The following RBMS3 variants were observed in gnomAD, a reference collection of about 807,000 sequenced individuals.
The protein encoded by RBMS3 is RNA-binding motif, single-stranded-interacting protein 3.
Under a neutral mutation model 66.8 loss-of-function variants are expected in RBMS3, and 27 were observed. The observed-to-expected ratio is 0.40, with a 90% CI of 0.30 to 0.56. The LOEUF (loss-of-function observed/expected upper bound fraction) is 0.56, where lower values mean the gene tolerates loss of function less well. RBMS3 is among the 20% of genes least tolerant of loss of function. The pLI is 0.40. For synonymous variants in RBMS3, 188 were observed against 183.0 expected (o/e 1.03, Z -0.22); for missense variants, 513 against 549.5 (o/e 0.93, Z 0.66).
At chr3:29,874,359 C>T (rs747999876) in intron 7 of RBMS3, among the ~76,000 whole-genome samples, 8 of 151,952 alleles carry the variant, frequency 5.3e-5, no homozygotes, top group Admixed American at 1.3e-4. Flanking sequence ...CTGGTAATAC[C>T]GTCTAGGCTT....
intron 6 of RBMS3, among the ~76,000 whole-genome samples, chr3:29,839,066 T>C (rs1051519864): frequency 7.9e-5 from 12 of 152,174 alleles, no homozygotes; most frequent in African/African-American, 2.9e-4. Context: ...ATTCCAGAAC[T>C]ACAGTGTCAG....
At position 29,971,140 on chromosome 3, in the gene RBMS3, G is replaced by A. The variant is rs938166711; in HGVS notation, c.1099-17003G>A. On this transcript the variant is annotated intron_variant, in intron 12 of 14. Transcript: ENST00000383767. Reference sequence around the variant, plus strand: ...GAAAGACAAGATTATCCCATTCCCCGCTTTATAACTGCCTCCTCTCTTGGA... The same window carrying A: ...GAAAGACAAGATTATCCCATTCCCCACTTTATAACTGCCTCCTCTCTTGGA... 9.2e-5 allele frequency among the ~76,000 whole-genome samples: 14 copies of A among 151,600 alleles called. 1 individual carries two copies. Among genetic ancestry groups the A allele is most frequent in the Admixed American group, 5.3e-4 (8 of 15,202 alleles).
rs2061260597 is a variant in RBMS3, at chr3:29,936,170, C to T, written c.1024C>T (p.His342Tyr). ...GGGCCCACTGACACAGCAGATGAATCACCTTTCGTTGGGCACAACAGGAAC... is the reference window on the plus strand; with the variant it reads ...GGGCCCACTGACACAGCAGATGAATTACCTTTCGTTGGGCACAACAGGAAC... Reference protein sequence around the residue: ...MMGPLTQQMNHLSLGTTGTIQ... With the variant: ...MMGPLTQQMNYLSLGTTGTIQ... Residue 342 changes from histidine (H) to tyrosine (Y), a missense_variant, in exon 11 of 15, where the codon CAC becomes TAC. By Grantham distance (83) the His-to-Tyr change is moderately conservative. Coordinates refer to ENST00000383767, the MANE Select transcript of RBMS3 (RefSeq NM_001003793.3). 2 of 1,613,132 alleles carry T rather than the reference C, an allele frequency of 1.2e-6. No homozygotes were observed. The highest frequency in any genetic ancestry group is 1.7e-6 in the Non-Finnish European group (2 of 1,179,450).
chr3:29,489,395 G>A (rs771125881), intron 3 of RBMS3, among the ~76,000 whole-genome samples: 3 of 151,734 alleles, frequency 2.0e-5, no homozygotes, highest in Non-Finnish European at 2.9e-5. Context: ...AACATTCCAC[G>A]TCTTCTATAA....
chr3:29,414,696 C>G (rs1260798975), intron 1 of RBMS3, among the ~76,000 whole-genome samples: 1 of 151,978 alleles, frequency 6.6e-6, no homozygotes, highest in Admixed American at 6.6e-5. Context: ...TGTCATCATG[C>G]CAAATAACTC....
chr3:29,415,568 G>A (rs1199518051), intron 1 of RBMS3, among the ~76,000 whole-genome samples: 1 of 152,122 alleles, frequency 6.6e-6, no homozygotes, highest in Non-Finnish European at 1.5e-5. Context: ...GGAAGATAAA[G>A]CTTAAGGCTG....
At position 29,482,433 on chromosome 3, in the gene RBMS3, T is replaced by C. The variant is rs561154569; in HGVS notation, c.249-6008T>C. The stretch of plus-strand genomic sequence containing the variant: ...AGGAAAGGCACAAACCAGTTACTAA[T>C]CATTATCTGCTTGCCATTTTTCCTC... On this transcript the variant is annotated intron_variant, in intron 2 of 14. Coordinates refer to ENST00000383767, the MANE Select transcript of RBMS3 (RefSeq NM_001003793.3). Among the ~76,000 whole-genome samples the C allele has an allele frequency of 1.1e-3, 165 of 152,260 alleles. 1 individual carries two copies. Among genetic ancestry groups the C allele is most frequent in the Middle Eastern group, 3.4e-3 (1 of 294 alleles).
intron 3 of RBMS3, among the ~76,000 whole-genome samples, chr3:29,563,992 G>A (rs944632093): frequency 6.8e-6 from 1 of 147,112 alleles, no homozygotes; most frequent in African/African-American, 2.6e-5. Flanking sequence ...TCTCAACAGT[G>A]TGAGATGCTG....
chr3:29,508,704 G>A (rs781373645), intron 3 of RBMS3, among the ~76,000 whole-genome samples: 3 of 151,556 alleles, frequency 2.0e-5, no homozygotes, highest in Non-Finnish European at 2.9e-5. Context: ...TAATCCTTTC[G>A]GTATATACCC....
chr3:29,884,469 T>TCTCTCTCTCTCTACC (rs1553692501), intron 8 of RBMS3, among the ~76,000 whole-genome samples: 2 of 66,334 alleles, frequency 3.0e-5, no homozygotes, highest in African/African-American at 1.1e-4. Context: ...TCTCTCTCTC[T>TCTCTCTCTCTCTACC]CCCCCCCCGC....
intron 4 of RBMS3, among the ~76,000 whole-genome samples, chr3:29,633,517 G>A (rs949456620): frequency 6.6e-6 from 1 of 151,790 alleles, no homozygotes; most frequent in East Asian, 1.9e-4. Context: ...TTGGGGACCT[G>A]GATCTCACCT....
chr3:29,433,313 C>G (rs1283711164), intron 1 of RBMS3, among the ~76,000 whole-genome samples: 2 of 152,108 alleles, frequency 1.3e-5, no homozygotes, highest in East Asian at 3.9e-4. Flanking sequence ...AAAGACTCTT[C>G]ATCTTCAGAT....
At chr3:29,307,892 T>C (rs1464620882) in intron 1 of RBMS3, among the ~76,000 whole-genome samples, 2 of 151,806 alleles carry the variant, frequency 1.3e-5, no homozygotes, top group Admixed American at 6.6e-5. Context: ...TAATAGTATA[T>C]ATTAAATTCA....
intron 6 of RBMS3, among the ~76,000 whole-genome samples, chr3:29,821,808 A>G (rs1461222483): frequency 1.3e-5 from 2 of 152,156 alleles, no homozygotes; most frequent in Admixed American, 1.3e-4. Flanking sequence ...TGTTTTCAGA[A>G]TATCATTAAG....
At chr3:29,418,152 T>C (rs1010822121) in intron 1 of RBMS3, among the ~76,000 whole-genome samples, 1 of 152,166 alleles carries the variant, frequency 6.6e-6, no homozygotes, top group Admixed American at 6.5e-5. Flanking sequence ...TTTCTTCCCA[T>C]TCATAAACAA....
At chr3:29,378,150 C>T (rs2038573411) in intron 1 of RBMS3, among the ~76,000 whole-genome samples, 1 of 152,130 alleles carries the variant, frequency 6.6e-6, no homozygotes, top group African/African-American at 2.4e-5. Context: ...CTGTCAGCTG[C>T]TTGGACTGTG....
At chr3:29,370,890 G>A (rs1158771614) in intron 1 of RBMS3, among the ~76,000 whole-genome samples, 1 of 152,148 alleles carries the variant, frequency 6.6e-6, no homozygotes, top group Non-Finnish European at 1.5e-5. Context: ...CTCCCTACAT[G>A]GCAGAGGCTA....
intron 12 of RBMS3, among the ~76,000 whole-genome samples, chr3:29,953,354 CTT>C (rs1193828397): frequency 1.3e-5 from 2 of 151,926 alleles, no homozygotes; most frequent in Non-Finnish European, 2.9e-5. Flanking sequence ...ACCTGTCTCT[CTT>C]TTGTCCACCA....
intron 4 of RBMS3, among the ~76,000 whole-genome samples, chr3:29,681,515 C>A (rs1464120095): frequency 6.6e-6 from 1 of 151,390 alleles, no homozygotes; most frequent in Non-Finnish European, 1.5e-5. Flanking sequence ...CACAATCCCC[C>A]CAGACAGGCC....
Sources: gnomAD v4.1 joint callset for allele counts (sites outside exome capture counted in the v4.1 genomes callset) on GRCh38, gnomAD v4.1.1 for gene constraint, MANE v1.5 for transcripts, NCBI Gene and HGNC (gene_info 2026-07-23, HGNC 2026-07-21) for gene names.